Variants in HMCN1 observed in about 807,000 individuals in gnomAD.
HMCN1 encodes hemicentin-1.
In HMCN1, 321 loss-of-function variants were observed where a neutral mutation model predicts 625.9. The ratio of observed to expected loss-of-function variants is 0.51; its 90% CI spans 0.47 to 0.56. The LOEUF is 0.56. Ranked by LOEUF, HMCN1 falls within the 20% of genes least tolerant of loss-of-function variation. The pLI, the probability that HMCN1 is intolerant of heterozygous loss-of-function variation, is 0.00. For synonymous variants in HMCN1, 2,425 were observed against 2,417.6 expected (o/e 1.00, Z -0.09); for missense variants, 6,588 against 6,887.3 (o/e 0.96, Z 1.54).
chr1:186,000,589 G>GTGTGTA (rs1553272427), intron 26 of HMCN1, among the ~76,000 whole-genome samples: 2 of 146,436 alleles, frequency 1.4e-5, no homozygotes, highest in South Asian at 4.2e-4. Context: ...GTGTGTGTGT[G>GTGTGTA]TGTATGTATG....
chr1:185,898,466 C>G (rs188097538), intron 4 of HMCN1, among the ~76,000 whole-genome samples: 31 of 149,674 alleles, frequency 2.1e-4, no homozygotes, highest in African/African-American at 7.9e-4. Flanking sequence ...AAACTGTAAG[C>G]AGACTTTTTT....
At chr1:185,875,592 G>A (rs1358983459) in intron 4 of HMCN1, among the ~76,000 whole-genome samples, 1 of 151,932 alleles carries the variant, frequency 6.6e-6, no homozygotes, top group African/African-American at 2.4e-5. Context: ...ATTTCCTTGT[G>A]TAAAATTTGA....
rs150581361 is a variant in HMCN1 at position 186,181,313 on chromosome 1, C to T, written c.16295-855C>T. ...AAACACCACTGGGACAAGAAATCTT[C>T]AGCCTCCCAAATCACATACTTTATC... On this transcript the variant is annotated intron_variant, in intron 104 of 106. Transcript: ENST00000271588. Among the ~76,000 whole-genome samples the T allele has an allele frequency of 6.6e-5, 10 of 152,304 alleles. No homozygotes were observed. The East Asian group carries it at 1.9e-3, about 29-fold the overall frequency.
At chr1:186,154,380 G>A (rs1330848629) in intron 97 of HMCN1, among the ~76,000 whole-genome samples, 1 of 152,074 alleles carries the variant, frequency 6.6e-6, no homozygotes, top group East Asian at 1.9e-4. Flanking sequence ...AAATTAGCCG[G>A]TCGTGGGGGC....
At chr1:186,150,025 G>T (rs1373744491) in intron 93 of HMCN1, among the ~76,000 whole-genome samples, 2 of 152,132 alleles carry the variant, frequency 1.3e-5, no homozygotes, top group East Asian at 1.9e-4. Flanking sequence ...TTGAAATATT[G>T]CAAGAATTAC....
chr1:186,159,185 T>TTG (rs1651254237), intron 97 of HMCN1, among the ~76,000 whole-genome samples: 3 of 152,104 alleles, frequency 2.0e-5, no homozygotes, highest in South Asian at 4.2e-4. Flanking sequence ...TTTATTCTCT[T>TTG]TGAAGCAATT....
chr1:186,116,356 T>C (rs1029265420), intron 75 of HMCN1, among the ~76,000 whole-genome samples: 1 of 152,050 alleles, frequency 6.6e-6, no homozygotes, highest in African/African-American at 2.4e-5. Context: ...CCTCCTAAAA[T>C]GTGAAGTGTT....
In HMCN1 at chr1:185,933,491, T is replaced by A; in HGVS notation, c.1553-58T>A. 3 of 1,578,054 alleles carry A rather than the reference T, an allele frequency of 1.9e-6. No homozygotes were observed. The South Asian group carries it at 3.3e-5, about 18-fold the overall frequency. ...ACTTATTCAGTTTTTAAACCACATCTGTAAGTGAGCAAAATGGCTTTTAGG... is the reference window on the plus strand; with the variant it reads ...ACTTATTCAGTTTTTAAACCACATCAGTAAGTGAGCAAAATGGCTTTTAGG... On this transcript the variant is annotated intron_variant, in intron 10 of 106. Coordinates refer to ENST00000271588, the MANE Select transcript of HMCN1 (RefSeq NM_031935.3).
At chr1:185,743,307 A>G (rs1187261851) in intron 1 of HMCN1, among the ~76,000 whole-genome samples, 1 of 152,256 alleles carries the variant, frequency 6.6e-6, no homozygotes, top group Non-Finnish European at 1.5e-5. Flanking sequence ...AAGTAGAAGA[A>G]TACAATTCAC....
intron 64 of HMCN1, among the ~76,000 whole-genome samples, chr1:186,091,853 A>G (rs980243587): frequency 2.0e-5 from 3 of 152,046 alleles, no homozygotes; most frequent in Non-Finnish European, 2.9e-5. Flanking sequence ...TATAACTTAA[A>G]GAGATAAATG....
At chr1:186,133,477 A>G (rs1259190652) in intron 86 of HMCN1, among the ~76,000 whole-genome samples, 1 of 152,210 alleles carries the variant, frequency 6.6e-6, no homozygotes, top group Non-Finnish European at 1.5e-5. Context: ...TTGGATAAAC[A>G]TAAAATAATC....
intron 16 of HMCN1, among the ~76,000 whole-genome samples, chr1:185,979,293 A>G (rs537533425): frequency 6.6e-6 from 1 of 152,186 alleles, no homozygotes; most frequent in Non-Finnish European, 1.5e-5. Context: ...GAAAAGGTAC[A>G]TGAAAGTACT....
In HMCN1 at chr1:185,958,401, G is replaced by A. The variant is rs1649771279; in HGVS notation, c.1829-4117G>A. On this transcript the variant is annotated intron_variant, in intron 11 of 106. Transcript: ENST00000271588. ...CCGAAAATGCTGGGATTACAAGCGT[G>A]AGCCACCACGTACAGGCTGAAATAG... Among the ~76,000 whole-genome samples, 3 of 152,276 alleles carry A rather than the reference G, an allele frequency of 2.0e-5. No individual in the cohort carries two copies. The South Asian group carries it at 6.2e-4, about 32-fold the overall frequency.
Position 186,189,820 on chromosome 1 carries a change from C to A in HMCN1, c.16850C>A (p.Thr5617Asn), listed in dbSNP as rs749254953. The A allele has an allele frequency of 4.3e-6, 7 of 1,613,718 alleles. No homozygotes were observed. The highest frequency in any genetic ancestry group is 5.9e-6 in the Non-Finnish European group (7 of 1,179,748). ...VRASSYSANG[T>N]IEYQTTFIVY... The stretch of plus-strand genomic sequence containing the variant: ...GCCTCATCCTACAGTGCCAATGGGA[C>A]CATTGAATATCAGACCACATTCATA... The change falls in exon 107 of 107, where the codon ACC becomes AAC. Residue 5617 changes from threonine (T) to asparagine (N), a missense_variant. Around this residue, in one of 3 missense-constraint regions of HMCN1, gnomAD observed 1,954 missense variants for 2,013.1 expected, o/e 0.97. Coordinates refer to ENST00000271588, the MANE Select transcript of HMCN1 (RefSeq NM_031935.3).
rs1440239464 is a variant in HMCN1, at chr1:186,074,839, A to C, written c.8238A>C (p.Val2746=). Residue 2746 remains valine, a synonymous_variant, in exon 53 of 107, where the codon GTA becomes GTC. Transcript: ENST00000271588. The part of the protein sequence containing the change: ...QISDTGRYTC[V]ASNIAGEDEL... ...CAGACACCGGACGATATACTTGTGT[A>C]GCATCTAACATTGCAGGTGAAGATG... 1 of 1,613,116 alleles carries C rather than the reference A, an allele frequency of 6.2e-7. No homozygotes were observed. The highest frequency in any genetic ancestry group is 1.7e-5 in the Admixed American group (1 of 59,964).
chr1:185,965,242 AG>A (rs1469590101), intron 13 of HMCN1, among the ~76,000 whole-genome samples: 1 of 152,128 alleles, frequency 6.6e-6, no homozygotes, highest in Non-Finnish European at 1.5e-5. Context: ...GGTCAAAACC[AG>A]GAGACTCTAC....
intron 106 of HMCN1, 149 bp from the exon 107 acceptor site, chr1:186,189,363 C>T: frequency 1.3e-6 from 1 of 755,338 alleles, no homozygotes; most frequent in Non-Finnish European, 2.3e-6. Context: ...GAGTTAGTGA[C>T]ACAGAAGACG....
chr1:185,902,405 C>CTATCTCTGTCTA (rs903275348), intron 4 of HMCN1, among the ~76,000 whole-genome samples: 2 of 145,358 alleles, frequency 1.4e-5, no homozygotes, highest in African/African-American at 5.2e-5. Flanking sequence ...ATCTATCTAT[C>CTATCTCTGTCTA]TCTATCTATC....
intron 2 of HMCN1, among the ~76,000 whole-genome samples, chr1:185,847,948 G>T (rs1239283636): frequency 1.3e-5 from 2 of 151,756 alleles, no homozygotes; most frequent in African/African-American, 2.4e-5. Flanking sequence ...ATGAGACCCT[G>T]TCTCCAAAAG....
Sources: allele counts gnomAD v4.1 joint callset (sites outside exome capture counted in the v4.1 genomes callset), GRCh38; gene constraint gnomAD v4.1.1; regional missense constraint gnomAD v4.1.1; transcripts MANE v1.5; gene names NCBI Gene and HGNC (gene_info 2026-07-23, HGNC 2026-07-21).